The following CADM2 variants were observed in gnomAD, a reference collection of about 807,000 sequenced individuals.
CADM2 encodes immunoglobulin superfamily member 4D.
Under a neutral mutation model 49.8 loss-of-function variants are expected in CADM2, and 12 were observed. That is an observed-to-expected ratio of 0.24 (90% CI 0.15 to 0.39). The LOEUF is 0.39. Among genes scored for constraint, CADM2 ranks in the 10% least tolerant of loss-of-function variants. The pLI is 1.00. For synonymous variants in CADM2, 214 were observed against 175.4 expected (o/e 1.22, Z -1.74); for missense variants, 378 against 492.3 (o/e 0.77, Z 2.20).
intron 1 of CADM2, among the ~76,000 whole-genome samples, chr3:85,366,513 T>C (rs1341837976): frequency 1.3e-5 from 2 of 152,190 alleles, no homozygotes; most frequent in African/African-American, 4.8e-5. Context: ...TGTGGTAATT[T>C]TTCATTTATA....
At chr3:85,729,774 G>A (rs1055532141) in intron 2 of CADM2, among the ~76,000 whole-genome samples, 4 of 151,948 alleles carry the variant, frequency 2.6e-5, no homozygotes, top group African/African-American at 9.7e-5. Context: ...TTCTAGATAG[G>A]TTTCTCTTGC....
intron 1 of CADM2, among the ~76,000 whole-genome samples, chr3:85,495,910 C>T (rs1344661779): frequency 6.6e-6 from 1 of 152,094 alleles, no homozygotes; most frequent in Non-Finnish European, 1.5e-5. Flanking sequence ...ATTACATTTC[C>T]ACATGACAAC....
intron 8 of CADM2, among the ~76,000 whole-genome samples, chr3:85,997,529 C>T (rs1271594097): frequency 6.6e-6 from 1 of 152,042 alleles, no homozygotes; most frequent in Non-Finnish European, 1.5e-5. Flanking sequence ...TATTATAAGA[C>T]AATGTCAAAT....
chr3:86,022,721 A>G (rs1733355343), intron 8 of CADM2, among the ~76,000 whole-genome samples: 1 of 152,086 alleles, frequency 6.6e-6, no homozygotes, highest in Admixed American at 6.5e-5. Context: ...TCATTTTCTG[A>G]ACTACAAATA....
In CADM2 at chr3:85,007,549, C is replaced by T. The variant is rs1241148415; in HGVS notation, c.61+47881C>T. Among the ~76,000 whole-genome samples the T allele has an allele frequency of 1.1e-4, 16 of 152,166 alleles. 1 individual carries two copies. The highest frequency in any genetic ancestry group is 3.4e-3 in the Middle Eastern group (1 of 294). On this transcript the variant is annotated intron_variant, in intron 1 of 9. Transcript: ENST00000383699. ...AATTGTGATAGTAATAAAGTAAAGA[C>T]GTCCAAAGGATGCAGAGTTTAACTC...
chr3:85,858,764 C>A (rs1434942477), intron 3 of CADM2, among the ~76,000 whole-genome samples: 1 of 152,176 alleles, frequency 6.6e-6, no homozygotes, highest in African/African-American at 2.4e-5. Context: ...CTGGGCTTTG[C>A]TGAATTCACT....
chr3:85,311,225 T>G (rs2044334036), intron 1 of CADM2, among the ~76,000 whole-genome samples: 1 of 152,072 alleles, frequency 6.6e-6, no homozygotes, highest in Admixed American at 6.5e-5. Context: ...AATCTCAAAA[T>G]CTATACATTA....
At chr3:85,250,543 G>A (rs2042750214) in intron 1 of CADM2, among the ~76,000 whole-genome samples, 2 of 151,554 alleles carry the variant, frequency 1.3e-5, no homozygotes, top group African/African-American at 4.8e-5. Context: ...TTGAGCAAAT[G>A]TATACTAGGT....
chr3:86,045,921 T>C (rs1736623112), intron 8 of CADM2, among the ~76,000 whole-genome samples: 1 of 152,264 alleles, frequency 6.6e-6, no homozygotes, highest in South Asian at 2.1e-4. Context: ...CTTTCACAAC[T>C]TGAAAGTGAC....
chr3:85,579,294 A>C (rs1271400852), intron 1 of CADM2, among the ~76,000 whole-genome samples: 1 of 152,120 alleles, frequency 6.6e-6, no homozygotes, highest in Non-Finnish European at 1.5e-5. Context: ...AGGTGATTGA[A>C]TCCCAGGTAT....
intron 1 of CADM2, among the ~76,000 whole-genome samples, chr3:85,585,374 G>T (rs533187340): frequency 3.3e-5 from 5 of 151,376 alleles, no homozygotes; most frequent in Middle Eastern, 3.4e-3. Context: ...GGTGGAAGTT[G>T]GTACTTGAAA....
chr3:85,781,859 G>T (rs760528878), intron 2 of CADM2, among the ~76,000 whole-genome samples: 32 of 152,180 alleles, frequency 2.1e-4, no homozygotes, highest in Non-Finnish European at 3.7e-4. Context: ...ATACAAGAAA[G>T]AAAAACTGTA....
intron 1 of CADM2, among the ~76,000 whole-genome samples, chr3:85,330,841 G>C (rs1208920114): frequency 6.6e-6 from 1 of 151,496 alleles, no homozygotes; most frequent in Non-Finnish European, 1.5e-5. Context: ...GTGTGCCTGT[G>C]GTTTCAGCTA....
intron 1 of CADM2, among the ~76,000 whole-genome samples, chr3:85,134,564 G>A (rs547333104): frequency 1.6e-4 from 24 of 152,296 alleles, no homozygotes; most frequent in African/African-American, 5.3e-4. Flanking sequence ...GGTTATACAT[G>A]TTTAGTACCA....
chr3:85,494,979 A>G (rs544205919), intron 1 of CADM2, among the ~76,000 whole-genome samples: 7 of 152,304 alleles, frequency 4.6e-5, no homozygotes, highest in African/African-American at 1.7e-4. Flanking sequence ...TGATTTTGCT[A>G]TAATGTGTGT....
At chr3:85,827,845 C>G (rs1298713889) in intron 3 of CADM2, among the ~76,000 whole-genome samples, 1 of 151,950 alleles carries the variant, frequency 6.6e-6, no homozygotes, top group Non-Finnish European at 1.5e-5. Context: ...TTCTGTTCCA[C>G]GATGTCATTC....
intron 1 of CADM2, among the ~76,000 whole-genome samples, chr3:85,205,408 T>C (rs915159793): frequency 6.6e-6 from 1 of 152,188 alleles, no homozygotes; most frequent in Non-Finnish European, 1.5e-5. Flanking sequence ...TATCTAGGAC[T>C]ATAAATAAAT....
At chr3:85,868,227 CCTT>C (rs2075794684) in intron 3 of CADM2, among the ~76,000 whole-genome samples, 4 of 151,912 alleles carry the variant, frequency 2.6e-5, no homozygotes, top group African/African-American at 9.7e-5. Context: ...TATTTTACAT[CCTT>C]CTGTTCTATT....
chr3:85,945,297 A>AC (rs1722520317), intron 7 of CADM2, among the ~76,000 whole-genome samples: 1 of 152,078 alleles, frequency 6.6e-6, no homozygotes, highest in Non-Finnish European at 1.5e-5. Flanking sequence ...GAGCTTACCA[A>AC]CAAAAAAAAG....
Sources: allele counts gnomAD v4.1 joint callset (sites outside exome capture counted in the v4.1 genomes callset), GRCh38; gene constraint gnomAD v4.1.1; transcripts MANE v1.5; gene names NCBI Gene and HGNC (gene_info 2026-07-23, HGNC 2026-07-21).